Variants in DPP10 observed in about 807,000 individuals in gnomAD.
DPP10 encodes dipeptidyl peptidase like 10, also known as inactive dipeptidyl peptidase 10.
In DPP10, 33 loss-of-function variants were observed where a neutral mutation model predicts 120.9. That is an observed-to-expected ratio of 0.27 (90% CI 0.21 to 0.37). The LOEUF (loss-of-function observed/expected upper bound fraction) is 0.37. DPP10 is among the 10% of genes least tolerant of loss of function. The probability of loss-of-function intolerance (pLI) is 1.00; values close to 1 mark genes in which losing one functional copy is unlikely to be tolerated. For missense variants in DPP10, 816 were observed against 942.8 expected (o/e 0.87, Z 1.76); for synonymous variants, 337 against 326.1 (o/e 1.03, Z -0.36).
intron 1 of DPP10, among the ~76,000 whole-genome samples, chr2:115,112,485 T>C (rs548972041): frequency 3.5e-4 from 53 of 152,240 alleles, no homozygotes; most frequent in Non-Finnish European, 2.4e-4. Context: ...AAATTCTGTA[T>C]GTATACATTG....
intron 1 of DPP10, among the ~76,000 whole-genome samples, chr2:115,274,765 C>T (rs961319816): frequency 6.6e-5 from 10 of 152,324 alleles, no homozygotes; most frequent in Admixed American, 6.5e-4. Context: ...AGAGGAGTTA[C>T]ATAACCTTTA....
At chr2:115,208,324 C>T (rs1310013682) in intron 1 of DPP10, among the ~76,000 whole-genome samples, 1 of 151,920 alleles carries the variant, frequency 6.6e-6, no homozygotes, top group Non-Finnish European at 1.5e-5. Flanking sequence ...CTCAGCCTCC[C>T]AAGTAGCTGG....
intron 1 of DPP10, among the ~76,000 whole-genome samples, chr2:115,245,865 T>C (rs2058510646): frequency 6.6e-6 from 1 of 152,172 alleles, no homozygotes; most frequent in African/African-American, 2.4e-5. Flanking sequence ...GAGACCAACA[T>C]TAAAGTTTGG....
At chr2:114,643,933 A>T (rs866699970) in intron 1 of DPP10, among the ~76,000 whole-genome samples, 277 of 133,788 alleles carry the variant, frequency 2.1e-3, no homozygotes, top group African/African-American at 7.2e-3. Flanking sequence ...ATATATATAT[A>T]TATTTTTTTT....
intron 1 of DPP10, chr2:115,297,280 C>A (rs1401557683): frequency 4.9e-6 from 2 of 409,342 alleles, no homozygotes; most frequent in South Asian, 3.5e-5. Flanking sequence ...AAGATGAAAG[C>A]CTTATCTTAA....
intron 5 of DPP10, among the ~76,000 whole-genome samples, chr2:115,650,864 G>C (rs1206123579): frequency 6.6e-6 from 1 of 151,954 alleles, no homozygotes; most frequent in African/African-American, 2.4e-5. Context: ...GAGAAGAAAT[G>C]AGAGGAAAGA....
At chr2:115,377,083 G>C (rs1191451229) in intron 3 of DPP10, among the ~76,000 whole-genome samples, 1 of 151,796 alleles carries the variant, frequency 6.6e-6, no homozygotes, top group African/African-American at 2.4e-5. Context: ...GGGATTGCTG[G>C]GTCAAATGGT....
intron 19 of DPP10, among the ~76,000 whole-genome samples, chr2:115,795,364 CA>C (rs1439326086): frequency 2.6e-5 from 4 of 152,134 alleles, no homozygotes; most frequent in Admixed American, 2.6e-4. Flanking sequence ...AAATGTTCAA[CA>C]GATTATATTA....
intron 1 of DPP10, among the ~76,000 whole-genome samples, chr2:114,654,906 T>A (rs751850905): frequency 6.6e-6 from 1 of 152,176 alleles, no homozygotes; most frequent in Non-Finnish European, 1.5e-5. Context: ...TGGTGTGAGT[T>A]CTGTTTCTCA....
chr2:115,628,817 T>A (rs891164134), intron 5 of DPP10, among the ~76,000 whole-genome samples: 66 of 151,932 alleles, frequency 4.3e-4, no homozygotes, highest in East Asian at 1.2e-3. Flanking sequence ...CAAGTTTTTT[T>A]TTATTATTAT....
intron 1 of DPP10, among the ~76,000 whole-genome samples, chr2:114,946,266 G>T (rs1354157424): frequency 6.6e-6 from 1 of 152,174 alleles, no homozygotes; most frequent in Non-Finnish European, 1.5e-5. Flanking sequence ...GGGAAAGTGG[G>T]TGTGGACTAT....
At chr2:114,574,638 G>A (rs1573694328) in intron 1 of DPP10, among the ~76,000 whole-genome samples, 1 of 152,230 alleles carries the variant, frequency 6.6e-6, no homozygotes, top group African/African-American at 2.4e-5. Flanking sequence ...GTGAAAAATG[G>A]TCTCCATAAG....
intron 1 of DPP10, among the ~76,000 whole-genome samples, chr2:114,553,648 C>G (rs995873950): frequency 6.6e-6 from 1 of 151,958 alleles, no homozygotes; most frequent in African/African-American, 2.4e-5. Flanking sequence ...GATTGACCAG[C>G]CTTTTAGGCT....
intron 1 of DPP10, among the ~76,000 whole-genome samples, chr2:114,783,771 C>CT (rs1486723278): frequency 1.1e-4 from 17 of 151,948 alleles, no homozygotes; most frequent in Non-Finnish European, 2.2e-4. Flanking sequence ...GAGGTCTAGG[C>CT]TGCAGTGAGC....
intron 3 of DPP10, among the ~76,000 whole-genome samples, chr2:115,386,381 C>A (rs999919149): frequency 6.6e-6 from 1 of 152,060 alleles, no homozygotes; most frequent in Non-Finnish European, 1.5e-5. Flanking sequence ...ATCACTCTTA[C>A]CTGTGAGAGC....
chr2:115,035,324 T>C (rs1229472053), intron 1 of DPP10, among the ~76,000 whole-genome samples: 2 of 152,264 alleles, frequency 1.3e-5, no homozygotes, highest in Non-Finnish European at 2.9e-5. Context: ...TCAGGGTTTC[T>C]ATTTTGTAAA....
chr2:114,652,022 T>C (rs760344461), intron 1 of DPP10, among the ~76,000 whole-genome samples: 8 of 152,128 alleles, frequency 5.3e-5, no homozygotes, highest in Non-Finnish European at 5.9e-5. Context: ...CCCACTCTGA[T>C]TAGCAAAGTT....
intron 1 of DPP10, among the ~76,000 whole-genome samples, chr2:114,443,785 C>A (rs1677793106): frequency 6.6e-6 from 1 of 151,208 alleles, no homozygotes; most frequent in Non-Finnish European, 1.5e-5. Context: ...CATACAAGTG[C>A]ATACCTTTTG....
At chr2:115,669,598 G>A (rs1356707186) in intron 5 of DPP10, among the ~76,000 whole-genome samples, 1 of 151,618 alleles carries the variant, frequency 6.6e-6, no homozygotes, top group East Asian at 1.9e-4. Flanking sequence ...CATCATTTTG[G>A]TCACACTTAA....
Sources: allele counts gnomAD v4.1 joint callset (sites outside exome capture counted in the v4.1 genomes callset), GRCh38; gene constraint gnomAD v4.1.1; transcripts MANE v1.5; gene names NCBI Gene and HGNC (gene_info 2026-07-23, HGNC 2026-07-21).